The following SRCAP variants were observed in gnomAD, a reference collection of about 807,000 sequenced individuals.
The protein encoded by SRCAP is Snf2 related CREBBP activator protein.
A neutral mutation model predicts 263.1 loss-of-function variants in SRCAP; 46 were observed. The observed-to-expected ratio is 0.17, with a 90% CI of 0.14 to 0.22. SRCAP has a LOEUF of 0.22. Ranked by LOEUF, SRCAP falls within the 10% of genes least tolerant of loss-of-function variation. The pLI is 1.00. For synonymous variants in SRCAP, 1,813 were observed against 1,662.1 expected (o/e 1.09, Z -2.21); for missense variants, 3,695 against 4,181.9 (o/e 0.88, Z 3.21).
chr16:30,741,356 TG>T lies in SRCAP; in HGVS notation c.*1628del, dbSNP rs2053223309. 3 of 162,244 alleles carry T rather than the reference TG, an allele frequency of 1.8e-5. No individual in the cohort carries two copies. In the South Asian group the frequency reaches 5.6e-4, roughly 30 times the overall value. 10.1% of individuals were successfully genotyped at this position (162,244 alleles called of 1,614,324 possible). A position where few individuals can be genotyped will look rare whatever the true frequency, so the allele number is the denominator to read the frequency against. On this transcript the variant is annotated 3_prime_UTR_variant, in exon 34 of 34. Transcript: ENST00000262518. ...CTCAGGGGGCAGCCTCTTGGGAATT[TG>T]GGGGAATTGTAGAGTCCTTTGAAAT...
intron 4 of SRCAP, among the ~76,000 whole-genome samples, chr16:30,706,974 A>G (rs1166347010): frequency 2.0e-5 from 3 of 152,248 alleles, no homozygotes; most frequent in African/African-American, 7.2e-5. Flanking sequence ...TGGGCAAATC[A>G]CTTAATCTCC....
chr16:30,738,692 C>T lies in SRCAP; in HGVS notation c.8652C>T (p.Thr2884=). The T allele has an allele frequency of 6.2e-7, 1 of 1,613,968 alleles. No individual in the cohort carries two copies. The highest frequency in any genetic ancestry group is 1.3e-5 in the African/African-American group (1 of 75,006). Residue 2884 remains threonine, a synonymous_variant, in exon 34 of 34, where the codon ACC becomes ACT. Coordinates refer to ENST00000262518, the MANE Select transcript of SRCAP (RefSeq NM_006662.3). ...GRGVDEAPSS[T]LKGKTNGADP... ...GTGTGGATGAGGCACCCTCATCCAC[C>T]TTGAAGGGAAAAACCAATGGGGCTG...
chr16:30,719,250 CTG>C (rs1458678869), intron 18 of SRCAP, among the ~76,000 whole-genome samples: 6 of 150,610 alleles, frequency 4.0e-5, no homozygotes, highest in South Asian at 2.1e-4. Flanking sequence ...GAGTCTCACT[CTG>C]TCACCCAGGC....
Position 30,729,412 on chromosome 16 carries a change from C to G in SRCAP, c.5967C>G (p.Ser1989=), listed in dbSNP as rs145200481. ...VMPPVEAPPP[S]LHACHPPPWL... ...CTCCTGTGGAGGCACCTCCCCCTTCCCTGCATGCCTGCCACCCACCTCCTT... is the reference window on the plus strand; with the variant it reads ...CTCCTGTGGAGGCACCTCCCCCTTCGCTGCATGCCTGCCACCCACCTCCTT... Residue 1989 remains serine, a synonymous_variant, in exon 27 of 34, where the codon TCC becomes TCG. Transcript: ENST00000262518. The G allele has an allele frequency of 7.9e-5, 128 of 1,614,086 alleles. No homozygotes were observed. Among genetic ancestry groups the G allele is most frequent in the Non-Finnish European group, 1.0e-4 (118 of 1,180,040 alleles).
rs745812470 is a variant in SRCAP at position 30,737,499 on chromosome 16, C to T, written c.7459C>T (p.Pro2487Ser). 1 of 1,598,702 alleles carries T rather than the reference C, an allele frequency of 6.3e-7. No homozygotes were observed. ...LPVHILPSPP[P>S]PSQIPPCSSP... Reference sequence around the variant, plus strand: ...TGTCCATATCTTGCCTTCTCCTCCCCCTCCTTCACAGATTCCTCCTTGTTC... The same window carrying T: ...TGTCCATATCTTGCCTTCTCCTCCCTCTCCTTCACAGATTCCTCCTTGTTC... Residue 2487 changes from proline to serine, a missense_variant, in exon 34 of 34, where the codon CCT becomes TCT. By Grantham distance (74) the Pro-to-Ser change is moderately conservative. This residue lies in a region of SRCAP where 1,207 missense variants were observed against 1,142.9 expected (regional missense o/e 1.06). Coordinates refer to ENST00000262518, the MANE Select transcript of SRCAP (RefSeq NM_006662.3).
chr16:30,707,073 T>C, intron 4 of SRCAP, 110 bp from the exon 5 acceptor site: 1 of 1,095,422 alleles, frequency 9.1e-7, no homozygotes, highest in Non-Finnish European at 1.3e-6. Flanking sequence ...GTATGTGGAC[T>C]AAACATAAGC....
chr16:30,732,307 C>T (rs760383152), intron 27 of SRCAP, among the ~76,000 whole-genome samples: 62 of 151,930 alleles, frequency 4.1e-4, no homozygotes, highest in Middle Eastern at 3.4e-3. Flanking sequence ...CAAAATTATC[C>T]GGACGTGGTG....
intron 4 of SRCAP, among the ~76,000 whole-genome samples, chr16:30,706,716 C>G (rs756743871): frequency 3.3e-5 from 5 of 152,086 alleles, no homozygotes; most frequent in African/African-American, 7.2e-5. Context: ...CTTAATGCAT[C>G]ATGAAAATAC....
intron 18 of SRCAP, among the ~76,000 whole-genome samples, chr16:30,717,314 A>G (rs796734249): frequency 6.6e-6 from 1 of 152,030 alleles, no homozygotes; most frequent in Non-Finnish European, 1.5e-5. Context: ...GTGGTTGTTG[A>G]GCTGTAGGAC....
intron 33 of SRCAP, among the ~76,000 whole-genome samples, 200 bp downstream of exon 33, chr16:30,736,824 C>T (rs1165528767): frequency 1.3e-5 from 2 of 152,126 alleles, no homozygotes; most frequent in East Asian, 1.9e-4. Flanking sequence ...AGGCGTGCAC[C>T]ACCACGCCCG....
chr16:30,730,494 C>T (rs1317313444), intron 27 of SRCAP, among the ~76,000 whole-genome samples: 3 of 151,988 alleles, frequency 2.0e-5, no homozygotes, highest in Admixed American at 6.6e-5. Flanking sequence ...TGCAGTGGCT[C>T]GATCTCGGCT....
In SRCAP at chr16:30,702,765, G is replaced by A. The variant is rs529458939; in HGVS notation, c.55-1299G>A. ...GGATTACAGGCTCACGCCACCACAC[G>A]TGGCTAATTTCTGTATTTTTAGTAG... On this transcript the variant is annotated intron_variant, in intron 3 of 33. Coordinates refer to ENST00000262518, the MANE Select transcript of SRCAP (RefSeq NM_006662.3). Among the ~76,000 whole-genome samples the A allele has an allele frequency of 2.7e-5, 4 of 148,528 alleles. No individual in the cohort carries two copies. In the East Asian group the frequency reaches 8.1e-4, roughly 30 times the overall value.
At chr16:30,707,523 G>T in intron 5 of SRCAP, 49 bp from the exon 6 acceptor site, 1 of 1,607,918 alleles carries the variant, frequency 6.2e-7, no homozygotes, top group Non-Finnish European at 8.5e-7. Flanking sequence ...GCCTTTGGGT[G>T]GGGAAGTCTG....
chr16:30,724,712 C>T lies in SRCAP; in HGVS notation c.5288C>T (p.Ala1763Val). The change falls in exon 25 of 34, where the codon GCC becomes GTC. Residue 1763 changes from alanine to valine, a missense_variant. Transcript: ENST00000262518. ...PLAPASPVGP[A>V]PAHTLTLAPA... ...GCTCCAGCTTCTCCAGTGGGCCCAG[C>T]CCCAGCTCACACGCTGACTTTGGCT... 6.2e-7 allele frequency: 1 copy of T among 1,614,102 alleles called. No homozygotes were observed.
At position 30,736,581 on chromosome 16, in the gene SRCAP, C is replaced by T. The variant is rs1165922960; in HGVS notation, c.6965C>T (p.Ala2322Val). ...IERYAMKFLE[A>V]SLEEVSREEL... ...CGCTATGCCATGAAATTCCTGGAGG[C>T]CTCACTGGAGGAGGTGAGCCGAGAG... Residue 2322 changes from alanine to valine, a missense_variant, in exon 33 of 34, where the codon GCC becomes GTC. Physicochemically the swap from Ala to Val is moderately conservative, Grantham distance 64. This residue lies in a region of SRCAP where 91 missense variants were observed against 150.6 expected (regional missense o/e 0.60). Coordinates refer to ENST00000262518, the MANE Select transcript of SRCAP (RefSeq NM_006662.3). The T allele has an allele frequency of 2.5e-6, 4 of 1,614,086 alleles. No homozygotes were observed. Among genetic ancestry groups the T allele is most frequent in the Middle Eastern group, 1.6e-4 (1 of 6,084 alleles).
Position 30,738,404 on chromosome 16 carries a change from G to A in SRCAP, c.8364G>A (p.Pro2788=), listed in dbSNP as rs778954392. The change falls in exon 34 of 34, where the codon CCG becomes CCA. Residue 2788 remains proline (P), a synonymous_variant. Coordinates refer to ENST00000262518, the MANE Select transcript of SRCAP (RefSeq NM_006662.3). ...GGGTCTCTGAGACTAGTGCCAGCCC[G>A]GGAAGCCCGTCTGTCCGCAGCATGT... ...VPGVSETSAS[P]GSPSVRSMSG... 9 of 1,547,030 alleles carry A rather than the reference G, an allele frequency of 5.8e-6. No homozygotes were observed. Among genetic ancestry groups the A allele is most frequent in the Middle Eastern group, 1.7e-4 (1 of 5,732 alleles).
chr16:30,737,981 T>A lies in SRCAP; in HGVS notation c.7941T>A (p.Ser2647Arg). 1 of 1,613,960 alleles carries A rather than the reference T, an allele frequency of 6.2e-7. No individual in the cohort carries two copies. The highest frequency in any genetic ancestry group is 1.1e-5 in the South Asian group (1 of 91,072). Residue 2647 changes from serine to arginine, a missense_variant, in exon 34 of 34, where the codon AGT (serine) becomes AGA (arginine). By Grantham distance (110) the Ser-to-Arg change is moderately radical. Around this residue, in one of 12 missense-constraint regions of SRCAP, gnomAD observed 1,207 missense variants for 1,142.9 expected, o/e 1.06. Transcript: ENST00000262518. ...PEGEELPLCV[S>R]ESNGLELPPS... ...GTGAGGAGTTGCCCCTGTGTGTGAG[T>A]GAGAGCAATGGCCTGGAGCTCCCAC...
rs1303842290 is a variant in SRCAP, at chr16:30,728,736, C to T, written c.5659-230C>T. On this transcript the variant is annotated intron_variant, in intron 25 of 33. Coordinates refer to ENST00000262518, the MANE Select transcript of SRCAP (RefSeq NM_006662.3). ...TCAGTTTTCTCTAGGAGAGAAGTTA[C>T]TTAACATAACTTCTGAGAAAGAATA... Among the ~76,000 whole-genome samples, 8 of 152,222 alleles carry T rather than the reference C, an allele frequency of 5.3e-5. 1 individual carries two copies. Among genetic ancestry groups the T allele is most frequent in the Admixed American group, 4.6e-4 (7 of 15,284 alleles).
At chr16:30,735,136 A>ATTTTTTTTTTTTTTT (rs10532453) in intron 31 of SRCAP, among the ~76,000 whole-genome samples, 1 of 106,498 alleles carries the variant, frequency 9.4e-6, no homozygotes, top group African/African-American at 4.4e-5. Flanking sequence ...AGTACAAAGC[A>ATTTTTTTTTTTTTTT]TTTTTTTTTT....
Sources: allele counts gnomAD v4.1 joint callset (sites outside exome capture counted in the v4.1 genomes callset), GRCh38; gene constraint gnomAD v4.1.1; regional missense constraint gnomAD v4.1.1; transcripts MANE v1.5; gene names NCBI Gene and HGNC (gene_info 2026-07-23, HGNC 2026-07-21).